COMMD1: variants seen among roughly 807,000 people sequenced by gnomAD.
COMMD1 encodes copper metabolism domain containing 1, also known as COMM domain-containing protein 1.
Under a neutral mutation model 17.2 loss-of-function variants are expected in COMMD1, and 10 were observed. The observed-to-expected ratio is 0.58, with a 90% confidence interval of 0.36 to 0.99. COMMD1 has a LOEUF of 0.99. Among genes scored for constraint, COMMD1 ranks in the 50% least tolerant of loss-of-function variants. The pLI, the probability that COMMD1 is intolerant of heterozygous loss-of-function variation, is 0.01. For synonymous variants in COMMD1, 97 were observed against 91.6 expected, an observed-to-expected ratio of 1.06 and a Z score of -0.34; for missense variants, 270 against 231.8, an observed-to-expected ratio of 1.17 and a Z score of -1.07.
intron 1 of COMMD1, among the ~76,000 whole-genome samples, chr2:61,933,316 T>C (rs1369520837): frequency 6.6e-6 from 1 of 151,982 alleles, no homozygotes; most frequent in Non-Finnish European, 1.5e-5. Context: ...GCTTAGCTGC[T>C]GGTATCCCTA....
intron 1 of COMMD1, chr2:61,968,927 G>A: frequency 3.6e-6 from 1 of 280,494 alleles, no homozygotes; most frequent in Non-Finnish European, 7.5e-6. Flanking sequence ...CCAGTTTCAA[G>A]GGAAATCTTT....
At chr2:62,040,127 C>T (rs1670148492) in intron 2 of COMMD1, among the ~76,000 whole-genome samples, 1 of 152,124 alleles carries the variant, frequency 6.6e-6, no homozygotes, top group South Asian at 2.1e-4. Context: ...GTGGCATGTA[C>T]CTGTAGTCCC....
chr2:61,960,978 G>C (rs1044213877), intron 1 of COMMD1, among the ~76,000 whole-genome samples: 1 of 152,214 alleles, frequency 6.6e-6, no homozygotes, highest in African/African-American at 2.4e-5. Context: ...CTCGCACCAG[G>C]TGTGTCCTGG....
chr2:62,134,998 C>T (rs768725835), intron 2 of COMMD1, among the ~76,000 whole-genome samples: 93 of 152,268 alleles, frequency 6.1e-4, no homozygotes, highest in Non-Finnish European at 9.1e-4. Context: ...CCACTAAATC[C>T]AAGTTAGCTC....
At chr2:62,049,046 A>G (rs1448767555) in intron 2 of COMMD1, among the ~76,000 whole-genome samples, 1 of 152,202 alleles carries the variant, frequency 6.6e-6, no homozygotes, top group East Asian at 1.9e-4. Context: ...GGTGAGGGAA[A>G]TACATTTAAG....
chr2:61,899,761 A>G (rs937301566), intron 1 of COMMD1, among the ~76,000 whole-genome samples: 2 of 151,890 alleles, frequency 1.3e-5, no homozygotes, highest in Admixed American at 1.3e-4. Flanking sequence ...TGCAACCTCA[A>G]CCTCCCTGGC....
At chr2:62,065,569 C>T (rs1425604801) in intron 2 of COMMD1, among the ~76,000 whole-genome samples, 2 of 152,042 alleles carry the variant, frequency 1.3e-5, no homozygotes, top group African/African-American at 4.8e-5. Context: ...ATCCCCCTGC[C>T]TCAGCCTCCC....
chr2:62,067,016 G>A (rs905026322), intron 2 of COMMD1, among the ~76,000 whole-genome samples: 3 of 152,026 alleles, frequency 2.0e-5, no homozygotes, highest in South Asian at 2.1e-4. Context: ...TTGAGCCACC[G>A]TGCCCAGCCC....
intron 1 of COMMD1, among the ~76,000 whole-genome samples, chr2:61,984,273 G>C (rs1220715060): frequency 6.6e-6 from 1 of 152,180 alleles, no homozygotes; most frequent in Non-Finnish European, 1.5e-5. Flanking sequence ...TGATCCACCT[G>C]CCTTGGCATC....
In COMMD1 at chr2:62,036,056, A is replaced by T. The variant is rs200797930; in HGVS notation, c.462+35074A>T. ...GTGATAGAGTGAGACCCTGTCTCTC[A>T]CACACACACACACACACACACACAC... On this transcript the variant is annotated intron_variant, in intron 2 of 2. Coordinates refer to ENST00000311832, the MANE Select transcript of COMMD1 (RefSeq NM_152516.4). Among the ~76,000 whole-genome samples, 803 of 104,432 alleles carry T rather than the reference A, an allele frequency of 7.7e-3. 5 individuals carry two copies. Among genetic ancestry groups the T allele is most frequent in the East Asian group, 0.011 (42 of 3,908 alleles). The allele number at this position is 104,432 out of a possible 152,430, so 68.5% of individuals were successfully genotyped here. A position where few individuals can be genotyped will look rare whatever the true frequency, so the allele number is the denominator to read the frequency against.
rs113170084 is a variant in COMMD1 at position 62,098,273 on chromosome 2, C to T, written c.463-37558C>T. 1.2e-4 allele frequency among the ~76,000 whole-genome samples: 18 copies of T among 151,852 alleles called. 1 individual carries two copies. The highest frequency in any genetic ancestry group is 4.4e-4 in the African/African-American group (18 of 41,372). ...CTGGGTTCAAGCAAGATTCTCCTGCCTCAGCCTCCCGAGTAGCTGGGATTA... is the reference window on the plus strand; with the variant it reads ...CTGGGTTCAAGCAAGATTCTCCTGCTTCAGCCTCCCGAGTAGCTGGGATTA... On this transcript the variant is annotated intron_variant, in intron 2 of 2. Transcript: ENST00000311832.
At chr2:62,097,393 A>G (rs1024190514) in intron 2 of COMMD1, among the ~76,000 whole-genome samples, 1 of 152,146 alleles carries the variant, frequency 6.6e-6, no homozygotes, top group African/African-American at 2.4e-5. Context: ...CTGCTGACTG[A>G]ATTCTACCAG....
chr2:62,047,353 A>G (rs997016237), intron 2 of COMMD1, among the ~76,000 whole-genome samples: 2 of 152,238 alleles, frequency 1.3e-5, no homozygotes, highest in African/African-American at 4.8e-5. Context: ...CTACAGTAGT[A>G]TACAGTAATG....
At chr2:61,989,431 A>T (rs1672188000) in intron 1 of COMMD1, among the ~76,000 whole-genome samples, 1 of 149,900 alleles carries the variant, frequency 6.7e-6, no homozygotes, top group Non-Finnish European at 1.5e-5. Context: ...TAATCCCTCC[A>T]TTCCCTCGCC....
At chr2:62,042,113 G>A (rs1670229490) in intron 2 of COMMD1, among the ~76,000 whole-genome samples, 1 of 152,150 alleles carries the variant, frequency 6.6e-6, no homozygotes, top group Non-Finnish European at 1.5e-5. Context: ...GAGCTGATTG[G>A]TCTGTTTGAC....
chr2:61,906,393 A>G (rs1669772844), intron 1 of COMMD1, among the ~76,000 whole-genome samples: 1 of 152,258 alleles, frequency 6.6e-6, no homozygotes, highest in African/African-American at 2.4e-5. Context: ...TGAAATTAAT[A>G]TTTTAGTAAT....
chr2:62,096,306 T>G (rs1200985989), intron 2 of COMMD1, among the ~76,000 whole-genome samples: 1 of 152,220 alleles, frequency 6.6e-6, no homozygotes, highest in African/African-American at 2.4e-5. Flanking sequence ...CAGTAACCTT[T>G]CAAAACTGAT....
Position 62,066,621 on chromosome 2 carries a change from TC to T in COMMD1, c.462+65641del, listed in dbSNP as rs1429751637. ...TTTCACCATGTTAGCCAGGATGGTCTCCATCTCCTGACCTCGTGATCTGCCC... is the reference window on the plus strand; with the variant it reads ...TTTCACCATGTTAGCCAGGATGGTCTCATCTCCTGACCTCGTGATCTGCCC... On this transcript the variant is annotated intron_variant, in intron 2 of 2. Transcript: ENST00000311832. 2.0e-5 allele frequency among the ~76,000 whole-genome samples: 3 copies of T among 151,440 alleles called. No individual in the cohort carries two copies. The South Asian group carries it at 6.3e-4, about 32-fold the overall frequency.
intron 1 of COMMD1, among the ~76,000 whole-genome samples, chr2:61,935,705 A>G (rs1016840252): frequency 3.3e-5 from 5 of 152,194 alleles, no homozygotes; most frequent in African/African-American, 1.2e-4. Flanking sequence ...CAGTTTGATC[A>G]AAGATAAAAT....
Sources: gnomAD v4.1 joint callset for allele counts (sites outside exome capture counted in the v4.1 genomes callset) on GRCh38, gnomAD v4.1.1 for gene constraint, MANE v1.5 for transcripts, NCBI Gene and HGNC (gene_info 2026-07-23, HGNC 2026-07-21) for gene names.